The following DMD variants were observed in gnomAD, a reference collection of about 807,000 sequenced individuals.
DMD encodes dystrophin.
A neutral mutation model predicts 330.1 loss-of-function variants in DMD; 63 were observed. That is an observed-to-expected ratio of 0.19 (90% CI 0.16 to 0.24). The LOEUF (loss-of-function observed/expected upper bound fraction) is 0.24, where lower values mean the gene tolerates loss of function less well. Among genes scored for constraint, DMD ranks in the 10% least tolerant of loss-of-function variants. The probability of loss-of-function intolerance (pLI) is 1.00; values close to 1 mark genes in which losing one functional copy is unlikely to be tolerated. For synonymous variants in DMD, 1,223 were observed against 959.8 expected, an observed-to-expected ratio of 1.27 and a Z score of -5.07; for missense variants, 3,344 against 2,684.1, an observed-to-expected ratio of 1.25 and a Z score of -5.43.
intron 1 of DMD, among the ~76,000 whole-genome samples, chrX:33,095,150 AAC>A (rs2095140280): frequency 8.9e-6 from 1 of 112,568 alleles, no homozygotes; most frequent in Non-Finnish European, 1.9e-5. Flanking sequence ...TAATGTGTAC[AAC>A]ACACATATGA....
chrX:31,634,545 C>A (rs960111930), intron 54 of DMD, among the ~76,000 whole-genome samples: 2 of 111,345 alleles, frequency 1.8e-5, no homozygotes, highest in Non-Finnish European at 3.8e-5. Context: ...CTGATACAGA[C>A]ATTTTATTTT....
chrX:33,008,877 TATGTATATATAC>T (rs2093467630), intron 2 of DMD, among the ~76,000 whole-genome samples: 1 of 50,084 alleles, frequency 2.0e-5, no homozygotes, highest in Non-Finnish European at 4.3e-5. Context: ...CATACTCATA[TATGTATATATAC>T]GTGTATATAT....
intron 1 of DMD, among the ~76,000 whole-genome samples, chrX:33,268,539 C>T (rs1038482037): frequency 1.8e-5 from 2 of 111,564 alleles, no homozygotes; most frequent in African/African-American, 6.5e-5. Flanking sequence ...AACAAACATA[C>T]GAAGAAATGC....
intron 60 of DMD, among the ~76,000 whole-genome samples, chrX:31,358,957 C>T (rs764483906): frequency 8.9e-6 from 1 of 111,891 alleles, no homozygotes; most frequent in Admixed American, 9.5e-5. Flanking sequence ...TAGTAAATAA[C>T]CCTAGGAAGA....
chrX:32,385,946 A>G (rs2097954911), intron 33 of DMD, among the ~76,000 whole-genome samples: 1 of 110,226 alleles, frequency 9.1e-6, no homozygotes, highest in South Asian at 3.8e-4. Flanking sequence ...TCACAAGTAG[A>G]TATATATAAT....
At position 32,827,059 on chromosome X, in the gene DMD, C is replaced by CT. The variant is rs1244133333; in HGVS notation, c.265-3673_265-3672insA. On this transcript the variant is annotated intron_variant, in intron 4 of 78. Coordinates refer to ENST00000357033, the MANE Select transcript of DMD (RefSeq NM_004006.3). ...AAGTCATTGGAACACACATCGCACC[C>CT]CCCCCCCACACACACACACACACAG... 4.6e-4 allele frequency among the ~76,000 whole-genome samples: 27 copies of CT among 59,253 alleles called. 3 individuals carry two copies. Among genetic ancestry groups the CT allele is most frequent in the African/African-American group, 1.6e-3 (23 of 14,104 alleles). 51.5% of individuals were successfully genotyped at this position (59,253 alleles called of 115,157 possible).
At chrX:32,213,757 C>A (rs1038935388) in intron 44 of DMD, among the ~76,000 whole-genome samples, 3 of 106,911 alleles carry the variant, frequency 2.8e-5, no homozygotes, top group Non-Finnish European at 5.9e-5. Flanking sequence ...GGCAGACCAC[C>A]TGAGGTCGGA....
intron 1 of DMD, among the ~76,000 whole-genome samples, chrX:33,272,624 C>T (rs1373653885): frequency 9.3e-6 from 1 of 107,630 alleles, no homozygotes; most frequent in Non-Finnish European, 1.9e-5. Flanking sequence ...TGATTGTTGC[C>T]CCATTGTGGG....
chrX:32,124,384 C>T (rs1350589358), intron 44 of DMD, among the ~76,000 whole-genome samples: 1 of 112,157 alleles, frequency 8.9e-6, no homozygotes, highest in Non-Finnish European at 1.9e-5. Flanking sequence ...TGTATTGACT[C>T]ATTCCGAAGA....
chrX:32,047,540 A>G (rs2096072657), intron 44 of DMD, among the ~76,000 whole-genome samples: 1 of 111,801 alleles, frequency 8.9e-6, no homozygotes, highest in Admixed American at 9.5e-5. Flanking sequence ...TATCTGTAAT[A>G]AAAACATATA....
chrX:31,644,496 A>T (rs1404368027), intron 54 of DMD, among the ~76,000 whole-genome samples: 1 of 111,807 alleles, frequency 8.9e-6, no homozygotes, highest in Non-Finnish European at 1.9e-5. Context: ...TGATATTGAA[A>T]TTGGTGACTT....
chrX:32,036,409 G>T (rs935457065), intron 44 of DMD, among the ~76,000 whole-genome samples: 1 of 111,577 alleles, frequency 9.0e-6, no homozygotes, highest in Admixed American at 9.5e-5. Flanking sequence ...ACATTCTAGA[G>T]AGAAAATGTA....
chrX:32,846,106 G>T (rs1409050527), intron 3 of DMD, among the ~76,000 whole-genome samples: 4 of 111,793 alleles, frequency 3.6e-5, no homozygotes, highest in African/African-American at 1.3e-4. Flanking sequence ...TTGTCACATA[G>T]TTGGTCCAAC....
At chrX:31,789,232 C>CT (rs1354348508) in intron 50 of DMD, among the ~76,000 whole-genome samples, 1 of 110,700 alleles carries the variant, frequency 9.0e-6, no homozygotes, top group African/African-American at 3.3e-5. Context: ...TACTTTTTAC[C>CT]TTTTGTATAT....
intron 1 of DMD, among the ~76,000 whole-genome samples, chrX:33,271,979 G>A (rs1603427218): frequency 1.8e-5 from 2 of 109,331 alleles, no homozygotes; most frequent in Non-Finnish European, 3.8e-5. Context: ...TGCCTCCTGG[G>A]TTCAAGCGAT....
In DMD at chrX:32,483,820, CAAAAAAAAA is replaced by C. The variant is rs770119472; in HGVS notation, c.2803+1090_2803+1098del. 1.3e-3 allele frequency among the ~76,000 whole-genome samples: 47 copies of C among 37,255 alleles called. No individual in the cohort carries two copies. The South Asian group carries it at 0.032, about 25-fold the overall frequency. 32.4% of individuals were successfully genotyped at this position (37,255 alleles called of 115,157 possible). ...CCTTAGCAAAAACGACTCTGAAGTA[CAAAAAAAAA>C]AAAAAAAAAAAAAAGTATTTATCCT... On this transcript the variant is annotated intron_variant, in intron 21 of 78. Transcript: ENST00000357033.
intron 77 of DMD, among the ~76,000 whole-genome samples, chrX:31,127,036 CAG>C (rs1376729925): frequency 8.9e-6 from 1 of 111,892 alleles, no homozygotes; most frequent in Non-Finnish European, 1.9e-5. Flanking sequence ...AAAAAAGTCT[CAG>C]AATCTCTTCA....
rs201262489 is a variant in DMD, at chrX:31,836,788, G to A, written c.7130C>T (p.Pro2377Leu). 4.5e-5 allele frequency: 54 copies of A among 1,209,499 alleles called. No individual in the cohort carries two copies. In the Middle Eastern group the frequency reaches 9.2e-4, roughly 21 times the overall value. ...TTTAGACAAAATCTCTTCCACATCC[G>A]GTTGTTTAGCTTGAACTGCTATTTC... ...ETEIAVQAKQ[P>L]DVEEILSKGQ... The change falls in exon 49 of 79, where the codon CCG (proline) becomes CTG (leucine). Residue 2377 changes from proline (P) to leucine (L), a missense_variant. Physicochemically the swap from Pro to Leu is moderately conservative, Grantham distance 98. Transcript: ENST00000357033.
At chrX:31,429,980 G>A (rs1480453163) in intron 60 of DMD, among the ~76,000 whole-genome samples, 1 of 110,922 alleles carries the variant, frequency 9.0e-6, no homozygotes, top group Non-Finnish European at 1.9e-5. Flanking sequence ...AAAGAACTAC[G>A]CATAGTGCCC....
Sources: allele counts gnomAD v4.1 joint callset (sites outside exome capture counted in the v4.1 genomes callset), GRCh38; gene constraint gnomAD v4.1.1; transcripts MANE v1.5; gene names NCBI Gene and HGNC (gene_info 2026-07-23, HGNC 2026-07-21).